NECTIN1: variants seen among roughly 807,000 people sequenced by gnomAD.
The protein encoded by NECTIN1 is nectin cell adhesion molecule 1, also known as nectin-1.
A neutral mutation model predicts 48.0 loss-of-function variants in NECTIN1; 23 were observed. That is an observed-to-expected ratio of 0.48 (90% CI 0.34 to 0.68). The LOEUF is 0.68. Ranked by LOEUF, NECTIN1 falls within the 30% of genes least tolerant of loss-of-function variation. The pLI, the probability that NECTIN1 is intolerant of heterozygous loss-of-function variation, is 0.01. For synonymous variants in NECTIN1, 270 were observed against 288.9 expected (o/e 0.93, Z 0.66); for missense variants, 591 against 709.9 (o/e 0.83, Z 1.90).
chr11:119,692,428 T>TGTGTGTGTGTGTGTGTGG (rs1288200310), intron 1 of NECTIN1, among the ~76,000 whole-genome samples: 2 of 151,778 alleles, frequency 1.3e-5, no homozygotes, highest in African/African-American at 4.8e-5. Flanking sequence ...TGTGTGTGTG[T>TGTGTGTGTGTGTGTGTGG]GTGGGTGGCG....
chr11:119,638,290 C>T (rs768972412), intron 7 of NECTIN1: 20 of 1,611,750 alleles, frequency 1.2e-5, no homozygotes, highest in Non-Finnish European at 1.7e-5. Context: ...CTTTCCATGC[C>T]CCTGCTCCAG....
At chr11:119,711,443 A>C (rs920404989) in intron 1 of NECTIN1, among the ~76,000 whole-genome samples, 2 of 151,638 alleles carry the variant, frequency 1.3e-5, no homozygotes, top group African/African-American at 4.9e-5. Flanking sequence ...CAGGGTTGTG[A>C]AGCCAGCCAG....
At chr11:119,710,521 C>G (rs1396297293) in intron 1 of NECTIN1, among the ~76,000 whole-genome samples, 1 of 152,138 alleles carries the variant, frequency 6.6e-6, no homozygotes, top group Non-Finnish European at 1.5e-5. Flanking sequence ...TAGGACTGTT[C>G]ACAAAGTGCC....
intron 1 of NECTIN1, among the ~76,000 whole-genome samples, chr11:119,706,251 C>T (rs1253824159): frequency 6.6e-6 from 1 of 152,166 alleles, no homozygotes; most frequent in Non-Finnish European, 1.5e-5. Context: ...GCACCAACAC[C>T]AGCGGACCGA....
At chr11:119,696,593 A>G (rs557604412) in intron 1 of NECTIN1, among the ~76,000 whole-genome samples, 33 of 152,170 alleles carry the variant, frequency 2.2e-4, no homozygotes, top group African/African-American at 7.2e-4. Context: ...TTGAGTGGGA[A>G]ATGAGGGAGG....
downstream of NECTIN1, chr11:119,658,881 C>T (rs573349938): frequency 1.3e-5 from 2 of 152,162 alleles, no homozygotes; most frequent in Non-Finnish European, 2.9e-5. Context: ...TTGGCGCATT[C>T]GTGGGCCAAA....
At chr11:119,647,667 C>T (rs540891606) in intron 5 of NECTIN1, among the ~76,000 whole-genome samples, 36 of 152,234 alleles carry the variant, frequency 2.4e-4, no homozygotes, top group African/African-American at 8.4e-4. Context: ...GGGGGAAGCA[C>T]CAAATCTGCA....
rs147175433 is a variant in NECTIN1, at chr11:119,709,621, T to C, written c.79+18854A>G. ...GAAGCAGGGAGGGAGGGGAGCCCCG[T>C]GTGGGAAGCCTGAAAGGAGCCTGGG... is the stretch of plus-strand genomic sequence containing the variant. On this transcript the variant is annotated intron_variant, in intron 1 of 5. Coordinates refer to ENST00000264025, the MANE Select transcript of NECTIN1 (RefSeq NM_002855.5). The surrounding 1 kb of genome is among the most constrained non-coding windows in gnomAD (Gnocchi z 4.1). 9.5e-3 allele frequency among the ~76,000 whole-genome samples: 1,426 copies of C among 150,260 alleles called. 61 individuals carry two copies. Among genetic ancestry groups the C allele is most frequent in the Admixed American group, 0.07 (1,062 of 15,134 alleles).
chr11:119,639,164 C>A (rs778863700), intron 6 of NECTIN1, among the ~76,000 whole-genome samples: 1 of 152,134 alleles, frequency 6.6e-6, no homozygotes, highest in African/African-American at 2.4e-5. Context: ...GCACGGTATG[C>A]GGCACCGACA....
chr11:119,701,201 G>A (rs1865445971), intron 1 of NECTIN1, among the ~76,000 whole-genome samples: 1 of 152,208 alleles, frequency 6.6e-6, no homozygotes. Context: ...ATTATTGCTT[G>A]TTATAGCTCT....
At chr11:119,645,594 G>A (rs1267472776) in intron 5 of NECTIN1, among the ~76,000 whole-genome samples, 2 of 152,172 alleles carry the variant, frequency 1.3e-5, no homozygotes, top group African/African-American at 4.8e-5. Context: ...TCCTCAGCCT[G>A]TCCCCCAAGG....
chr11:119,713,650 T>G (rs1591484641), intron 1 of NECTIN1: 3 of 323,224 alleles, frequency 9.3e-6, no homozygotes, highest in South Asian at 2.2e-5. Context: ...GCCTTGGGGG[T>G]GACAGGAAAG....
Position 119,662,001 on chromosome 11 carries a change from G to C in NECTIN1, c.*2746C>G, listed in dbSNP as rs1158279953. On this transcript the variant is annotated 3_prime_UTR_variant, in exon 6 of 6. Coordinates refer to ENST00000264025, the MANE Select transcript of NECTIN1 (RefSeq NM_002855.5). The surrounding 1 kb of genome is among the most constrained non-coding windows in gnomAD (Gnocchi z 5.3). The stretch of plus-strand genomic sequence containing the variant: ...CCTTCTGATAAAAGGGGACTCGGCT[G>C]GTTCTATTACACATTAGAACAATAT... 6 of 985,232 alleles carry C rather than the reference G, an allele frequency of 6.1e-6. No individual in the cohort carries two copies. The East Asian group carries it at 4.5e-4, about 74-fold the overall frequency. 61.0% of individuals were successfully genotyped at this position (985,232 alleles called of 1,614,324 possible).
intron 5 of NECTIN1, among the ~76,000 whole-genome samples, chr11:119,648,271 G>A (rs867917829): frequency 0.014 from 282 of 19,616 alleles, 12 homozygotes; most frequent in African/African-American, 0.045. Flanking sequence ...AATAGTGGTG[G>A]TGGTGATGGT....
chr11:119,689,629 G>T (rs1402045666), intron 1 of NECTIN1, among the ~76,000 whole-genome samples: 1 of 152,222 alleles, frequency 6.6e-6, no homozygotes, highest in South Asian at 2.1e-4. Flanking sequence ...AATGTGCCCC[G>T]CACATTCCAA....
Position 119,702,404 on chromosome 11 carries a change from C to T in NECTIN1, c.80-23639G>A, listed in dbSNP as rs186153520. Among the ~76,000 whole-genome samples, 731 of 152,374 alleles carry T rather than the reference C, an allele frequency of 4.8e-3. 4 individuals carry two copies. The highest frequency in any genetic ancestry group is 1.0e-2 in the Admixed American group (153 of 15,304). On this transcript the variant is annotated intron_variant, in intron 1 of 5. Coordinates refer to ENST00000264025, the MANE Select transcript of NECTIN1 (RefSeq NM_002855.5). ...TTTGATACAGAGCCTGGGAGTGGGT[C>T]AGCCACCGCCAGATGCCATCAAGGC...
intron 1 of NECTIN1, among the ~76,000 whole-genome samples, chr11:119,718,719 A>C (rs937270364): frequency 6.6e-6 from 1 of 152,178 alleles, no homozygotes; most frequent in African/African-American, 2.4e-5. Flanking sequence ...GTGATGCCCA[A>C]AGACTCAGGA....
rs2135543402 is a variant in NECTIN1 at position 119,665,673 on chromosome 11, C to T, written c.1004-376G>A. 6.6e-6 allele frequency among the ~76,000 whole-genome samples: 1 copy of T among 152,328 alleles called. No homozygotes were observed. Among genetic ancestry groups the T allele is most frequent in the Admixed American group, 6.5e-5 (1 of 15,306 alleles). Reference sequence around the variant, plus strand: ...CTCCATGCCATTCACAGCCACAACCCTGAGGAGGTATGCCATTCATTCTCA... The same window carrying T: ...CTCCATGCCATTCACAGCCACAACCTTGAGGAGGTATGCCATTCATTCTCA... On this transcript the variant is annotated intron_variant, in intron 5 of 5. Transcript: ENST00000264025. This position sits in a 1 kb window ranked among gnomAD's most constrained non-coding sequence, Gnocchi z 5.1.
chr11:119,642,980 T>C (rs1361271694), intron 5 of NECTIN1: 1 of 153,726 alleles, frequency 6.5e-6, no homozygotes, highest in East Asian at 1.9e-4. Flanking sequence ...GAGGGTTGAC[T>C]GTATAAGAAG....
Sources: allele counts gnomAD v4.1 joint callset (sites outside exome capture counted in the v4.1 genomes callset), GRCh38; gene constraint gnomAD v4.1.1; non-coding constraint Gnocchi (gnomAD v3.1); transcripts MANE v1.5; gene names NCBI Gene and HGNC (gene_info 2026-07-23, HGNC 2026-07-21).